The following ABCA8 variants were observed in gnomAD, a reference collection of about 807,000 sequenced individuals.
ABCA8 encodes ATP binding cassette subfamily A member 8, also known as ABC-type organic anion transporter ABCA8.
ABCA8 carries 177 observed loss-of-function variants against 192.3 expected under a neutral mutation model. The observed-to-expected ratio is 0.92, with a 90% CI of 0.81 to 1.04. ABCA8 has a LOEUF of 1.04. Ranked by LOEUF, ABCA8 falls within the 50% of genes least tolerant of loss-of-function variation. The pLI is 0.00. For synonymous variants in ABCA8, 642 were observed against 690.2 expected (o/e 0.93, Z 1.09); for missense variants, 1,915 against 1,904.8 (o/e 1.01, Z -0.10).
At chr17:68,926,155 G>A (rs1437088680) in intron 10 of ABCA8, among the ~76,000 whole-genome samples, 1 of 150,780 alleles carries the variant, frequency 6.6e-6, no homozygotes, top group Non-Finnish European at 1.5e-5. Flanking sequence ...TTGAAACAAG[G>A]ACTAAAAAAA....
chr17:68,935,540 C>CTATCTATA (rs747035477), intron 5 of ABCA8, among the ~76,000 whole-genome samples: 11 of 87,290 alleles, frequency 1.3e-4, no homozygotes, highest in African/African-American at 5.2e-4. Flanking sequence ...AGTAGTATTC[C>CTATCTATA]TATATATATA....
rs1027570047 is a variant in ABCA8 at position 68,868,283 on chromosome 17, T to C, written c.4767+18A>G. 4 of 1,612,542 alleles carry C rather than the reference T, an allele frequency of 2.5e-6. No individual in the cohort carries two copies. Among genetic ancestry groups the C allele is most frequent in the Admixed American group, 1.7e-5 (1 of 59,902 alleles). On this transcript the variant is annotated intron_variant, in intron 39 of 39. Transcript: ENST00000586539. ...ACACATATACCATGGATGATACGAA[T>C]CCCTAAAAATGACCCACCTGCTCCA...
chr17:68,898,577 T>C (rs2066827232), intron 21 of ABCA8, among the ~76,000 whole-genome samples: 1 of 152,142 alleles, frequency 6.6e-6, no homozygotes, highest in Admixed American at 6.5e-5. Context: ...TAATGCGTAT[T>C]TTTCCCTCTC....
At chr17:68,929,836 G>A in intron 7 of ABCA8, 134 bp from the exon 8 acceptor site, 1 of 823,574 alleles carries the variant, frequency 1.2e-6, no homozygotes, top group Non-Finnish European at 1.8e-6. Flanking sequence ...TTTATTGGGT[G>A]TTCTAAGATA....
At chr17:68,892,291 C>T (rs1313359315) in intron 23 of ABCA8, among the ~76,000 whole-genome samples, 1 of 152,144 alleles carries the variant, frequency 6.6e-6, no homozygotes, top group Non-Finnish European at 1.5e-5. Context: ...CAGAAAGACA[C>T]TTGCTAACCA....
chr17:68,950,195 CACAA>C (rs1213019592), intron 1 of ABCA8, among the ~76,000 whole-genome samples: 8 of 152,090 alleles, frequency 5.3e-5, no homozygotes, highest in Admixed American at 5.2e-4. Context: ...TAAGAAAGGA[CACAA>C]ACAAATGGAA....
At chr17:68,880,477 G>GGCAATGA (rs2066308734) in intron 32 of ABCA8, among the ~76,000 whole-genome samples, 1 of 152,206 alleles carries the variant, frequency 6.6e-6, no homozygotes, top group African/African-American at 2.4e-5. Context: ...CCATGTTGCA[G>GGCAATGA]GCAATGAGAA....
At chr17:68,920,019 A>C (rs1368441303) in intron 13 of ABCA8, 1 of 152,318 alleles carries the variant, frequency 6.6e-6, no homozygotes, top group African/African-American at 2.4e-5. Context: ...TCAAAGACAG[A>C]CTAGATAAAG....
At chr17:68,885,781 C>A (rs2066443760) in intron 26 of ABCA8, among the ~76,000 whole-genome samples, 1 of 151,984 alleles carries the variant, frequency 6.6e-6, no homozygotes. Flanking sequence ...AATTCTTGGG[C>A]TCAAGTGATC....
At chr17:68,926,687 T>C (rs1391650643) in intron 10 of ABCA8, among the ~76,000 whole-genome samples, 2 of 152,154 alleles carry the variant, frequency 1.3e-5, no homozygotes, top group African/African-American at 2.4e-5. Context: ...TAGCCAACAA[T>C]AGTGGATCCT....
intron 2 of ABCA8, among the ~76,000 whole-genome samples, chr17:68,947,508 G>A (rs968090556): frequency 1.3e-5 from 2 of 152,092 alleles, no homozygotes; most frequent in Non-Finnish European, 2.9e-5. Flanking sequence ...AGGGCAGTTT[G>A]TAACACATGG....
intron 3 of ABCA8, 126 bp downstream of exon 3, chr17:68,941,813 T>C: frequency 1.6e-6 from 1 of 607,584 alleles, no homozygotes; most frequent in Non-Finnish European, 2.9e-6. Context: ...TTCTGTTGTA[T>C]AAACGTTGCT....
At chr17:68,908,647 T>C (rs79774939) in intron 17 of ABCA8, among the ~76,000 whole-genome samples, 3,006 of 152,288 alleles carry the variant, frequency 0.02, 61 homozygotes, top group South Asian at 0.092. Flanking sequence ...CAAAGTATCA[T>C]TGAGAAAATC....
Position 68,887,433 on chromosome 17 carries a change from T to A in ABCA8, c.3218A>T (p.Asp1073Val), listed in dbSNP as rs1567829688. ...SAYWFGQALV[D>V]VSLYFLVFVF... ...GAAGACCAAGAAGTACAGGGAAACATCCACCAGCGCCTGCCCAAACCAGTA... is the reference window on the plus strand; with the variant it reads ...GAAGACCAAGAAGTACAGGGAAACAACCACCAGCGCCTGCCCAAACCAGTA... Residue 1073 changes from aspartate (D) to valine (V), a missense_variant, in exon 25 of 40, where the codon GAT becomes GTT. Coordinates refer to ENST00000586539, the MANE Select transcript of ABCA8 (RefSeq NM_001288985.2). 2 of 1,613,866 alleles carry A rather than the reference T, an allele frequency of 1.2e-6. No individual in the cohort carries two copies. Among genetic ancestry groups the A allele is most frequent in the Non-Finnish European group, 1.7e-6 (2 of 1,179,896 alleles).
chr17:68,885,660 C>T (rs1226185539), intron 26 of ABCA8, among the ~76,000 whole-genome samples: 2 of 151,732 alleles, frequency 1.3e-5, no homozygotes, highest in African/African-American at 4.8e-5. Context: ...TGATCTTCCT[C>T]CCTCAGACTC....
intron 21 of ABCA8, among the ~76,000 whole-genome samples, chr17:68,897,024 T>G (rs1038488925): frequency 6.6e-6 from 1 of 152,198 alleles, no homozygotes; most frequent in East Asian, 1.9e-4. Flanking sequence ...GCCATTAGTT[T>G]GGTACTATCT....
At chr17:68,934,862 G>A (rs928348449) in intron 5 of ABCA8, among the ~76,000 whole-genome samples, 2 of 152,090 alleles carry the variant, frequency 1.3e-5, no homozygotes, top group Non-Finnish European at 2.9e-5. Flanking sequence ...TGAACATGAA[G>A]TGATATAACA....
chr17:68,907,923 A>T, intron 17 of ABCA8, 44 bp from the exon 18 acceptor site: 1 of 1,494,200 alleles, frequency 6.7e-7, no homozygotes, highest in Non-Finnish European at 8.9e-7. Flanking sequence ...TACTCGACAT[A>T]GTCTCCAATA....
rs542579112 is a variant in ABCA8, at chr17:68,897,597, G to C, written c.2765-2584C>G. Among the ~76,000 whole-genome samples, 33 of 152,284 alleles carry C rather than the reference G, an allele frequency of 2.2e-4. No homozygotes were observed. In the South Asian group the frequency reaches 6.6e-3, roughly 31 times the overall value. On this transcript the variant is annotated intron_variant, in intron 21 of 39. Coordinates refer to ENST00000586539, the MANE Select transcript of ABCA8 (RefSeq NM_001288985.2). ...AAAAAACTAAAAGAAAGCATGTTTAGAGAAGTGAAGAAAGGTATGATGACA... is the reference window on the plus strand; with the variant it reads ...AAAAAACTAAAAGAAAGCATGTTTACAGAAGTGAAGAAAGGTATGATGACA...
Sources: gnomAD v4.1 joint callset for allele counts (sites outside exome capture counted in the v4.1 genomes callset) on GRCh38, gnomAD v4.1.1 for gene constraint, MANE v1.5 for transcripts, NCBI Gene and HGNC (gene_info 2026-07-23, HGNC 2026-07-21) for gene names.